The following CNOT2 variants were observed in gnomAD, a reference collection of about 807,000 sequenced individuals.
CNOT2 encodes CC chemokine receptor 4-negative regulator of transcription 2.
In CNOT2, 7 loss-of-function variants were observed where a neutral mutation model predicts 72.1. That is an observed-to-expected ratio of 0.10 (90% confidence interval 0.06 to 0.18). CNOT2 has a LOEUF of 0.18. Ranked by LOEUF, CNOT2 falls within the 10% of genes least tolerant of loss-of-function variation. The probability of loss-of-function intolerance (pLI) is 1.00; values close to 1 mark genes in which losing one functional copy is unlikely to be tolerated. For synonymous variants in CNOT2, 196 were observed against 225.6 expected (o/e 0.87, Z 1.17); for missense variants, 345 against 660.3 (o/e 0.52, Z 5.23).
At chr12:70,312,440 A>G (rs1876624825) in intron 3 of CNOT2, among the ~76,000 whole-genome samples, 1 of 151,930 alleles carries the variant, frequency 6.6e-6, no homozygotes, top group African/African-American at 2.4e-5. Context: ...TCAGACTGAA[A>G]TCTAAAAGTA....
intron 2 of CNOT2, among the ~76,000 whole-genome samples, chr12:70,295,822 T>G (rs1365326484): frequency 6.6e-6 from 1 of 152,206 alleles, no homozygotes; most frequent in African/African-American, 2.4e-5. Context: ...CTTTTAAAGC[T>G]TATATATTAA....
intron 3 of CNOT2, among the ~76,000 whole-genome samples, chr12:70,316,013 A>G (rs1420048864): frequency 1.3e-5 from 2 of 152,166 alleles, no homozygotes; most frequent in Admixed American, 6.5e-5. Flanking sequence ...AGCTGCTGCT[A>G]CCATTTATTG....
intron 2 of CNOT2, chr12:70,278,591 G>T: frequency 3.7e-6 from 1 of 272,310 alleles, no homozygotes; most frequent in Non-Finnish European, 6.9e-6. Flanking sequence ...AGTGTTGATT[G>T]CTTTTACGTA....
chr12:70,340,827 T>C (rs2136063035), intron 11 of CNOT2, among the ~76,000 whole-genome samples: 1 of 151,978 alleles, frequency 6.6e-6, no homozygotes, highest in Non-Finnish European at 1.5e-5. Flanking sequence ...TTTTAATACA[T>C]TACTCCTCTG....
Position 70,288,173 on chromosome 12 carries a change from C to T in CNOT2, c.48+9899C>T, listed in dbSNP as rs1012832880. On this transcript the variant is annotated intron_variant, in intron 2 of 15. Transcript: ENST00000229195. ...TTTTTTTTTTTTTGAAACGGAGTTT[C>T]GCTCTTGTTGCCTAGGCTGGAGTGC... Among the ~76,000 whole-genome samples, 12 of 78,770 alleles carry T rather than the reference C, an allele frequency of 1.5e-4. 1 individual carries two copies. The highest frequency in any genetic ancestry group is 2.3e-4 in the Non-Finnish European group (10 of 43,522). The allele number at this position is 78,770 out of a possible 152,430, so 51.7% of individuals were successfully genotyped here.
chr12:70,253,367 T>G (rs1025658317), intron 1 of CNOT2, among the ~76,000 whole-genome samples: 1 of 152,234 alleles, frequency 6.6e-6, no homozygotes, highest in Non-Finnish European at 1.5e-5. Flanking sequence ...TCCTGACAAG[T>G]AGGTATTTAC....
chr12:70,326,828 A>G (rs1444788965), intron 4 of CNOT2, among the ~76,000 whole-genome samples: 1 of 151,818 alleles, frequency 6.6e-6, no homozygotes, highest in Non-Finnish European at 1.5e-5. Context: ...TGAATTTATT[A>G]GCTGTTTTTG....
chr12:70,297,191 A>G (rs1872956723), intron 2 of CNOT2, among the ~76,000 whole-genome samples: 1 of 152,226 alleles, frequency 6.6e-6, no homozygotes, highest in African/African-American at 2.4e-5. Flanking sequence ...GATATTGAAT[A>G]TGGAATTCAG....
intron 2 of CNOT2, among the ~76,000 whole-genome samples, chr12:70,299,834 C>T (rs1414829286): frequency 1.3e-5 from 2 of 152,132 alleles, no homozygotes; most frequent in African/African-American, 2.4e-5. Context: ...GTTTACAGTC[C>T]CACCAGCAGT....
At chr12:70,319,699 T>G (rs1249290974) in intron 4 of CNOT2, among the ~76,000 whole-genome samples, 1 of 151,098 alleles carries the variant, frequency 6.6e-6, no homozygotes, top group Non-Finnish European at 1.5e-5. Flanking sequence ...AAAGCTTTTT[T>G]AGTTTATTTG....
Position 70,311,907 on chromosome 12 carries a change from T to A in CNOT2, c.171+890T>A, listed in dbSNP as rs372975309. On this transcript the variant is annotated intron_variant, in intron 3 of 15. Transcript: ENST00000229195. ...GATATGGAACAAATGCCCTTGTTTT[T>A]CTTTGAAGTTGATCATTAGTAAATC... 1.4e-4 allele frequency among the ~76,000 whole-genome samples: 22 copies of A among 152,144 alleles called. No homozygotes were observed. The East Asian group carries it at 3.7e-3, about 25-fold the overall frequency.
chr12:70,354,381 AAGAT>A lies in CNOT2; in HGVS notation c.*467_*470del, dbSNP rs1883237093. On this transcript the variant is annotated 3_prime_UTR_variant, in exon 16 of 16. Coordinates refer to ENST00000229195, the MANE Select transcript of CNOT2 (RefSeq NM_014515.7). ...AGATCCTTCTCGTATTTCATTTGGAAAGATGAGCAAGAGGTCTGCTTCCTTCATT... is the reference window on the plus strand; with the variant it reads ...AGATCCTTCTCGTATTTCATTTGGAAGAGCAAGAGGTCTGCTTCCTTCATT... The A allele has an allele frequency of 6.5e-6, 1 of 153,762 alleles. No individual in the cohort carries two copies. Among genetic ancestry groups the A allele is most frequent in the Non-Finnish European group, 1.4e-5 (1 of 69,052 alleles). 9.5% of individuals were successfully genotyped at this position (153,762 alleles called of 1,614,324 possible). A position where few individuals can be genotyped will look rare whatever the true frequency, so the allele number is the denominator to read the frequency against.
At chr12:70,350,592 C>T (rs1882743785) in intron 15 of CNOT2, among the ~76,000 whole-genome samples, 1 of 152,160 alleles carries the variant, frequency 6.6e-6, no homozygotes, top group Non-Finnish European at 1.5e-5. Flanking sequence ...ATACCTGACA[C>T]CTTTGCTTTC....
intron 14 of CNOT2, chr12:70,344,816 A>C (rs1378426312): frequency 2.0e-5 from 3 of 152,234 alleles, no homozygotes; most frequent in African/African-American, 7.2e-5. Context: ...AAATATGTGA[A>C]TTATATGATA....
intron 14 of CNOT2, chr12:70,344,595 C>T: frequency 1.1e-5 from 2 of 186,806 alleles, no homozygotes; most frequent in East Asian, 1.5e-4. Flanking sequence ...TGTGGTGGCA[C>T]ACATCTATAT....
intron 2 of CNOT2, among the ~76,000 whole-genome samples, chr12:70,301,029 A>G (rs922080584): frequency 7.9e-5 from 12 of 151,978 alleles, no homozygotes; most frequent in South Asian, 2.1e-4. Flanking sequence ...TTTGTCTGTT[A>G]TTGGTGTATA....
intron 2 of CNOT2, among the ~76,000 whole-genome samples, chr12:70,301,207 T>G (rs888627570): frequency 1.3e-5 from 2 of 152,194 alleles, no homozygotes; most frequent in African/African-American, 4.8e-5. Context: ...TTGAATGCCC[T>G]TTATTTCCTT....
At chr12:70,247,011 AAG>A (rs1491072076) in intron 1 of CNOT2, among the ~76,000 whole-genome samples, 1 of 152,182 alleles carries the variant, frequency 6.6e-6, no homozygotes, top group Non-Finnish European at 1.5e-5. Context: ...AAATACAAAA[AAG>A]TGAATTATTT....
intron 1 of CNOT2, among the ~76,000 whole-genome samples, chr12:70,256,169 T>G (rs76932877): frequency 0.029 from 4,380 of 152,250 alleles, 136 homozygotes; most frequent in African/African-American, 0.065. Context: ...AATTGTATAT[T>G]CCAGCCTTGG....
Sources: gnomAD v4.1 joint callset for allele counts (sites outside exome capture counted in the v4.1 genomes callset) on GRCh38, gnomAD v4.1.1 for gene constraint, MANE v1.5 for transcripts, NCBI Gene and HGNC (gene_info 2026-07-23, HGNC 2026-07-21) for gene names.